MIOX: variants seen among roughly 807,000 people sequenced by gnomAD.
MIOX encodes inositol oxygenase.
Under a neutral mutation model 42.7 loss-of-function variants are expected in MIOX, and 51 were observed. That is an observed-to-expected ratio of 1.19 (90% CI 0.95 to 1.51). MIOX has a LOEUF of 1.51. Ranked by LOEUF, MIOX falls within the 40% of genes most tolerant of loss-of-function variation. MIOX has a pLI of 0.00. For missense variants in MIOX, 395 were observed against 381.3 expected, an observed-to-expected ratio of 1.04 and a Z score of -0.30; for synonymous variants, 168 against 154.4, an observed-to-expected ratio of 1.09 and a Z score of -0.65.
rs56311845 is a variant in MIOX, at chr22:50,487,485, GC to G, written c.96+26del. On this transcript the variant is annotated intron_variant, in intron 2 of 9. Transcript: ENST00000216075. ...TACACGGTGAGTACCTTGCCGTCCT[GC>G]CCCCCTTCTCCCCCATCCACACCCT... The G allele has an allele frequency of 0.13, 216,361 of 1,609,244 alleles. 15,607 individuals are homozygous for G. Among genetic ancestry groups the G allele is most frequent in the Non-Finnish European group, 0.15 (174,104 of 1,176,462 alleles).
At position 50,487,873 on chromosome 22, in the gene MIOX, C is replaced by T; in HGVS notation, c.178-13C>T. 1.2e-6 allele frequency: 2 copies of T among 1,613,540 alleles called. No homozygotes were observed. Among genetic ancestry groups the T allele is most frequent in the African/African-American group, 1.3e-5 (1 of 75,052 alleles). On this transcript the variant is annotated splice_polypyrimidine_tract_variant and intron_variant, in intron 3 of 9. Transcript: ENST00000216075. ...CTGACCCTGGGCCACACTGCCTTCT[C>T]CTTCCCCGCCAGCATGCCCAGTTTG...
At position 50,489,832 on chromosome 22, in the gene MIOX, C is replaced by T. The variant is rs761381495; in HGVS notation, c.834C>T (p.Tyr278=). 2.5e-6 allele frequency: 4 copies of T among 1,611,020 alleles called. No individual in the cohort carries two copies. The highest frequency in any genetic ancestry group is 3.4e-6 in the Non-Finnish European group (4 of 1,179,890). Residue 278 remains tyrosine, a synonymous_variant, in exon 10 of 10, where the codon TAC becomes TAT. Coordinates refer to ENST00000216075, the MANE Select transcript of MIOX (RefSeq NM_017584.6). ...ACTACCAGGGGCTCATTGACAAGTA[C>T]TGCCCTGGCATCCTGAGCTGGTGAC... ...RPYYQGLIDK[Y]CPGILSW is the part of the protein sequence containing the mutation.
intron 5 of MIOX, 47 bp downstream of exon 5, chr22:50,488,389 G>A (rs767221146): frequency 6.6e-7 from 1 of 1,506,190 alleles, no homozygotes; most frequent in Non-Finnish European, 9.1e-7. Flanking sequence ...TTGAGGCAAG[G>A]TGGGGGTGGA....
chr22:50,489,704 G>T (rs368247889), intron 9 of MIOX, 44 bp from the exon 10 acceptor site: 1 of 1,593,508 alleles, frequency 6.3e-7, no homozygotes, highest in South Asian at 1.1e-5. Flanking sequence ...TGGGTGGGGG[G>T]CCTGGGGGTT....
chr22:50,488,264 C>T lies in MIOX; in HGVS notation c.341-11C>T. 1 of 1,613,642 alleles carries T rather than the reference C, an allele frequency of 6.2e-7. No individual in the cohort carries two copies. Among genetic ancestry groups the T allele is most frequent in the African/African-American group, 1.3e-5 (1 of 75,046 alleles). On this transcript the variant is annotated splice_polypyrimidine_tract_variant and intron_variant, in intron 4 of 9. Coordinates refer to ENST00000216075, the MANE Select transcript of MIOX (RefSeq NM_017584.6). ...GCAGTCCCCAACCTGCCCTGTCCAT[C>T]CCCCTCCCAGACTGGTTCCACCTCG...
rs1402665215 is a variant in MIOX, at chr22:50,487,957, G to A, written c.249G>A (p.Leu83=). ...AGGCCGTGGACCTGCTGGATGGGCT[G>A]GTGGATGAGTCGGACCCGGACGTAG... ...VMEAVDLLDG[L]VDESDPDVDF... is the part of the protein sequence containing the mutation. The change falls in exon 4 of 10, where the codon CTG becomes CTA. Residue 83 remains leucine, a synonymous_variant. Transcript: ENST00000216075. 2 of 1,614,016 alleles carry A rather than the reference G, an allele frequency of 1.2e-6. No homozygotes were observed. The highest frequency in any genetic ancestry group is 8.5e-7 in the Non-Finnish European group (1 of 1,179,932).
At chr22:50,489,172 G>A (rs1374127705) in intron 6 of MIOX, 23 bp downstream of exon 6, 4 of 1,612,264 alleles carry the variant, frequency 2.5e-6, no homozygotes, top group Admixed American at 1.7e-5. Context: ...GCTGAGGGCT[G>A]GGCCCCCTTC....
intron 4 of MIOX, 87 bp from the exon 5 acceptor site, chr22:50,488,188 C>G (rs142380343): frequency 6.3e-7 from 1 of 1,594,936 alleles, no homozygotes; most frequent in South Asian, 1.1e-5. Flanking sequence ...GGCCCTGGAC[C>G]CTTCCTGGCT....
chr22:50,487,730 C>A lies in MIOX; in HGVS notation c.165C>A (p.Phe55Leu). 4 of 1,613,880 alleles carry A rather than the reference C, an allele frequency of 2.5e-6. No homozygotes were observed. The highest frequency in any genetic ancestry group is 3.4e-6 in the Non-Finnish European group (4 of 1,179,980). Residue 55 changes from phenylalanine (F) to leucine (L), a missense_variant, in exon 3 of 10, where the codon TTC becomes TTA. Physicochemically the swap from Phe to Leu is conservative, Grantham distance 22 (BLOSUM62 0). Transcript: ENST00000216075. The part of the protein sequence containing the change: ...KLMHTHQTVD[F>L]VRSKHAQFGG... ...TGCACACGCACCAGACAGTGGACTT[C>A]GTCAGGAGCAAGGTAGGCGTTTCCT...
chr22:50,488,188 C>T (rs142380343), intron 4 of MIOX, 87 bp from the exon 5 acceptor site: 1 of 1,594,934 alleles, frequency 6.3e-7, no homozygotes, highest in East Asian at 2.3e-5. Flanking sequence ...GGCCCTGGAC[C>T]CTTCCTGGCT....
chr22:50,488,187 C>A (rs1292832593), intron 4 of MIOX, 88 bp from the exon 5 acceptor site: 1 of 1,593,626 alleles, frequency 6.3e-7, no homozygotes, highest in African/African-American at 1.3e-5. Flanking sequence ...AGGCCCTGGA[C>A]CCTTCCTGGC....
In MIOX at chr22:50,487,725, G is replaced by C. The variant is rs1252011036; in HGVS notation, c.160G>C (p.Asp54His). ...YKLMHTHQTV[D>H]FVRSKHAQFG... ...GCTCATGCACACGCACCAGACAGTG[G>C]ACTTCGTCAGGAGCAAGGTAGGCGT... is the stretch of plus-strand genomic sequence containing the variant. The change falls in exon 3 of 10, where the codon GAC becomes CAC. Residue 54 changes from aspartate to histidine, a missense_variant. Asp to His is a moderately conservative substitution (Grantham distance 81). Coordinates refer to ENST00000216075, the MANE Select transcript of MIOX (RefSeq NM_017584.6). 1 of 1,613,918 alleles carries C rather than the reference G, an allele frequency of 6.2e-7. No individual in the cohort carries two copies.
In MIOX at chr22:50,489,661, G is replaced by A. The variant is rs756590660; in HGVS notation, c.749+17G>A. The A allele has an allele frequency of 6.0e-5, 97 of 1,607,468 alleles. No individual in the cohort carries two copies. The highest frequency in any genetic ancestry group is 4.0e-4 in the Admixed American group (24 of 59,890). On this transcript the variant is annotated intron_variant, in intron 9 of 9. Transcript: ENST00000216075. Reference sequence around the variant, plus strand: ...GGAGTTCAAGTACGCCCCGCTACCCGCCGAGGGGTGTTGTGGGAGTGAAAG... The same window carrying A: ...GGAGTTCAAGTACGCCCCGCTACCCACCGAGGGGTGTTGTGGGAGTGAAAG...
Position 50,489,565 on chromosome 22 carries a change from C to A in MIOX, c.670C>A (p.Pro224Thr). 2 of 1,612,712 alleles carry A rather than the reference C, an allele frequency of 1.2e-6. No homozygotes were observed. The highest frequency in any genetic ancestry group is 1.7e-6 in the Non-Finnish European group (2 of 1,179,876). ...FYMIRFHSFY[P>T]WHTGRDYQQL... ...CATGATCCGGTTCCACTCCTTCTAC[C>A]CCTGGCACACGGGCCGCGACTACCA... The change falls in exon 9 of 10, where the codon CCC (proline) becomes ACC (threonine). Residue 224 changes from proline to threonine, a missense_variant. Transcript: ENST00000216075.
Position 50,489,862 on chromosome 22 carries a change from C to T in MIOX, c.*6C>T. 1 of 1,608,482 alleles carries T rather than the reference C, an allele frequency of 6.2e-7. No individual in the cohort carries two copies. Among genetic ancestry groups the T allele is most frequent in the Non-Finnish European group, 8.5e-7 (1 of 1,179,070 alleles). Reference sequence around the variant, plus strand: ...CTGGCATCCTGAGCTGGTGACCCTCCTGCCACCCAAGCTGCTGCTGGACCT... The same window carrying T: ...CTGGCATCCTGAGCTGGTGACCCTCTTGCCACCCAAGCTGCTGCTGGACCT... On this transcript the variant is annotated 3_prime_UTR_variant, in exon 10 of 10. Coordinates refer to ENST00000216075, the MANE Select transcript of MIOX (RefSeq NM_017584.6).
rs1569516675 is a variant in MIOX, at chr22:50,489,442, CT to C, written c.633del (p.Glu212ArgfsTer5). 6 of 1,607,082 alleles carry C rather than the reference CT, an allele frequency of 3.7e-6. No individual in the cohort carries two copies. Among genetic ancestry groups the C allele is most frequent in the Non-Finnish European group, 5.1e-6 (6 of 1,177,400 alleles). ...VMKFNKFSLPPEAFYMIRFHS... is the reference protein window; with the variant it reads ...VMKFNKFSLPXEAFYMIRFHS... Reference sequence around the variant, plus strand: ...AAGTTTAACAAGTTCTCACTGCCCCCTGAGGTAGGTGGGGGGAGGGGCAACG... The same window carrying C: ...AAGTTTAACAAGTTCTCACTGCCCCCGAGGTAGGTGGGGGGAGGGGCAACG... On this transcript the variant is annotated frameshift_variant, in exon 8 of 10. Coordinates refer to ENST00000216075, the MANE Select transcript of MIOX (RefSeq NM_017584.6). LOFTEE classifies it high-confidence loss of function.
At chr22:50,488,167 G>C (rs2068298099) in intron 4 of MIOX, 108 bp from the exon 5 acceptor site, 9 of 1,584,974 alleles carry the variant, frequency 5.7e-6, no homozygotes, top group Admixed American at 1.8e-5. Flanking sequence ...CCCTGCCTGG[G>C]TTGGGGAGCA....
intron 3 of MIOX, 51 bp downstream of exon 3, chr22:50,487,793 G>C: frequency 6.2e-7 from 1 of 1,611,338 alleles, no homozygotes. Flanking sequence ...CTTGCCCTCA[G>C]CCCCATGAGC....
At position 50,490,150 on chromosome 22, in the gene MIOX, A is replaced by C; in HGVS notation, c.*294A>C. 2.2e-6 allele frequency: 1 copy of C among 454,892 alleles called. No homozygotes were observed. The highest frequency in any genetic ancestry group is 3.5e-5 in the Admixed American group (1 of 28,580). The allele number at this position is 454,892 out of a possible 1,614,324, so 28.2% of individuals were successfully genotyped here. On this transcript the variant is annotated 3_prime_UTR_variant, in exon 10 of 10. Coordinates refer to ENST00000216075, the MANE Select transcript of MIOX (RefSeq NM_017584.6). The stretch of plus-strand genomic sequence containing the variant: ...CCAGGCTTTCAGGTGTGTGTGTCCC[A>C]CCACACTGGCCGTGGTAAACATCTG...
Sources: allele counts gnomAD v4.1 joint callset, GRCh38; gene constraint gnomAD v4.1.1; transcripts MANE v1.5; gene names NCBI Gene and HGNC (gene_info 2026-07-23, HGNC 2026-07-21).